The following CHD2 variants were observed in gnomAD, a reference collection of about 807,000 sequenced individuals.
The protein encoded by CHD2 is ATP-dependent chromatin remodeler CHD2.
In CHD2, 28 loss-of-function variants were observed where a neutral mutation model predicts 243.9. That is an observed-to-expected ratio of 0.11 (90% CI 0.09 to 0.16). The LOEUF (loss-of-function observed/expected upper bound fraction) is 0.16, where lower values mean the gene tolerates loss of function less well. CHD2 is among the 10% of genes least tolerant of loss of function. The pLI is 1.00. For missense variants in CHD2, 1,386 were observed against 2,209.8 expected, an observed-to-expected ratio of 0.63 and a Z score of 7.47; for synonymous variants, 775 against 779.0, an observed-to-expected ratio of 0.99 and a Z score of 0.09.
In CHD2 at chr15:92,927,334, A is replaced by C; in HGVS notation, c.381+4A>C. On this transcript the variant is annotated splice_donor_region_variant and intron_variant, in intron 4 of 38. Transcript: ENST00000394196. ...GCGATTTAATATTAAGGAAGAGGTA[A>C]GGAAAAAATGTTTTAAGGGCATGCA... The C allele has an allele frequency of 1.2e-6, 2 of 1,611,412 alleles. No individual in the cohort carries two copies. Among genetic ancestry groups the C allele is most frequent in the Non-Finnish European group, 1.7e-6 (2 of 1,177,632 alleles).
intron 38 of CHD2, 93 bp downstream of exon 38, chr15:93,020,351 C>T: frequency 6.8e-7 from 1 of 1,464,996 alleles, no homozygotes; most frequent in Non-Finnish European, 9.5e-7. Context: ...ATTTATCTAT[C>T]AAATTACTGA....
rs764247423 is a variant in CHD2 at position 93,020,120 on chromosome 15, A to G, written c.5015A>G (p.Asp1672Gly). The G allele has an allele frequency of 7.4e-6, 12 of 1,614,042 alleles. No homozygotes were observed. The highest frequency in any genetic ancestry group is 2.7e-5 in the African/African-American group (2 of 74,900). Residue 1672 changes from aspartate to glycine, a missense_variant, in exon 38 of 39, where the codon GAC becomes GGC. Coordinates refer to ENST00000394196, the MANE Select transcript of CHD2 (RefSeq NM_001271.4). ...CAGTATGAGCAGCACTGGTACAAGG[A>G]CCACCATTATGGGGACCGGCGACAT... ...HHQYEQHWYK[D>G]HHYGDRRHMD...
intron 2 of CHD2, among the ~76,000 whole-genome samples, chr15:92,912,206 A>G (rs540205479): frequency 6.6e-6 from 1 of 152,296 alleles, no homozygotes; most frequent in African/African-American, 2.4e-5. Flanking sequence ...CACTTGGAGA[A>G]TTTTAAAAGC....
chr15:92,965,952 T>G (rs144568394), intron 16 of CHD2, among the ~76,000 whole-genome samples: 1 of 152,332 alleles, frequency 6.6e-6, no homozygotes, highest in East Asian at 1.9e-4. Flanking sequence ...GAAAATAGCC[T>G]GATACAGTGA....
At chr15:92,936,494 A>AT (rs374515460) in intron 5 of CHD2, among the ~76,000 whole-genome samples, 82 of 152,224 alleles carry the variant, frequency 5.4e-4, no homozygotes, top group African/African-American at 1.9e-3. Flanking sequence ...ATCTTGTTGG[A>AT]TTTTCAAGTA....
intron 6 of CHD2, 152 bp downstream of exon 6, chr15:92,937,777 A>T (rs2272463): frequency 2.8e-5 from 16 of 575,298 alleles, no homozygotes; most frequent in Non-Finnish European, 4.8e-5. Flanking sequence ...CAGCCAGCCT[A>T]CATTGCAGGT....
Position 92,979,010 on chromosome 15 carries a change from G to A in CHD2, c.2728-125G>A, listed in dbSNP as rs1175723043. The A allele has an allele frequency of 2.4e-6, 3 of 1,245,716 alleles. No individual in the cohort carries two copies. The African/African-American group carries it at 4.5e-5, about 19-fold the overall frequency. The allele number at this position is 1,245,716 out of a possible 1,614,324, so 77.2% of individuals were successfully genotyped here. A position where few individuals can be genotyped will look rare whatever the true frequency, so the allele number is the denominator to read the frequency against. ...GCTTGGATGGCTTACAGTCTTCTATGGTTAGAGAATAAATTCTGTTAAAAT... is the reference window on the plus strand; with the variant it reads ...GCTTGGATGGCTTACAGTCTTCTATAGTTAGAGAATAAATTCTGTTAAAAT... On this transcript the variant is annotated intron_variant, in intron 21 of 38. Coordinates refer to ENST00000394196, the MANE Select transcript of CHD2 (RefSeq NM_001271.4).
intron 5 of CHD2, among the ~76,000 whole-genome samples, chr15:92,932,443 T>TCCCCCCCCCCCCCCCCCC (rs11309319): frequency 9.7e-6 from 1 of 103,296 alleles, no homozygotes; most frequent in Non-Finnish European, 1.9e-5. Context: ...CCCTTCCCCC[T>TCCCCCCCCCCCCCCCCCC]CCCCCCCACC....
chr15:93,017,303 GC>G (rs2141891530), intron 37 of CHD2, among the ~76,000 whole-genome samples: 1 of 147,544 alleles, frequency 6.8e-6, no homozygotes, highest in Admixed American at 7.0e-5. Flanking sequence ...TGCTTTAGCT[GC>G]TCTTTGATGC....
chr15:92,941,745 T>C (rs2053386334), intron 7 of CHD2, 77 bp from the exon 8 acceptor site: 1 of 1,424,354 alleles, frequency 7.0e-7, no homozygotes, highest in Non-Finnish European at 9.7e-7. Flanking sequence ...TGGTTTCTTA[T>C]TCTAGTGACG....
chr15:92,931,042 A>G (rs746889868), intron 5 of CHD2, among the ~76,000 whole-genome samples: 1 of 152,186 alleles, frequency 6.6e-6, no homozygotes, highest in Non-Finnish European at 1.5e-5. Context: ...GAGGTCTTGT[A>G]GCTGCTGACA....
At chr15:92,980,541 T>C (rs906396122) in intron 22 of CHD2, among the ~76,000 whole-genome samples, 6 of 152,178 alleles carry the variant, frequency 3.9e-5, no homozygotes, top group Non-Finnish European at 7.3e-5. Context: ...AGGAAAGAGC[T>C]CCATTCTATA....
intron 37 of CHD2, among the ~76,000 whole-genome samples, chr15:93,018,301 C>T (rs2054488049): frequency 6.6e-6 from 1 of 151,084 alleles, no homozygotes; most frequent in Non-Finnish European, 1.5e-5. Flanking sequence ...CCCAGGTCAG[C>T]CATGAATTTA....
chr15:92,942,870 C>A lies in CHD2; in HGVS notation c.854C>A (p.Ala285Glu), dbSNP rs544867753. The change falls in exon 9 of 39, where the codon GCG (alanine) becomes GAG (glutamate). Residue 285 changes from alanine to glutamate, a missense_variant. Around this residue, in one of 19 missense-constraint regions of CHD2, gnomAD observed 200 missense variants for 292.5 expected, o/e 0.68. Transcript: ENST00000394196. ...GATGASTTVY[A>E]IEANGDPSGD... Reference sequence around the variant, plus strand: ...ACTGGAGCATCTACTACTGTATATGCGATTGAAGCTAATGGCGACCCTAGT... The same window carrying A: ...ACTGGAGCATCTACTACTGTATATGAGATTGAAGCTAATGGCGACCCTAGT... 1 of 1,613,204 alleles carries A rather than the reference C, an allele frequency of 6.2e-7. No homozygotes were observed. Among genetic ancestry groups the A allele is most frequent in the Non-Finnish European group, 8.5e-7 (1 of 1,179,696 alleles).
intron 16 of CHD2, among the ~76,000 whole-genome samples, chr15:92,958,810 T>C (rs1469846076): frequency 6.6e-6 from 1 of 150,792 alleles, no homozygotes; most frequent in East Asian, 1.9e-4. Flanking sequence ...TTCAACTCTT[T>C]ATTATAAAGT....
intron 34 of CHD2, among the ~76,000 whole-genome samples, chr15:93,008,726 C>T (rs765682015): frequency 1.3e-5 from 2 of 152,072 alleles, no homozygotes; most frequent in South Asian, 2.1e-4. Flanking sequence ...TATCTGGAAG[C>T]CTTTCTCTTG....
chr15:93,016,759 G>A (rs1160328920), intron 37 of CHD2, among the ~76,000 whole-genome samples: 2 of 110,692 alleles, frequency 1.8e-5, no homozygotes, highest in East Asian at 7.1e-4. Flanking sequence ...TCCAGTCTGG[G>A]CAATAGAGTG....
At chr15:92,942,405 C>CTTT (rs202182060) in intron 8 of CHD2, among the ~76,000 whole-genome samples, 1 of 135,876 alleles carries the variant, frequency 7.4e-6, no homozygotes, top group Non-Finnish European at 1.6e-5. Flanking sequence ...TTTCTTTTGG[C>CTTT]TTTTTTTTTT....
chr15:92,986,251 A>G (rs993496740), intron 26 of CHD2, among the ~76,000 whole-genome samples: 1 of 152,204 alleles, frequency 6.6e-6, no homozygotes, highest in Non-Finnish European at 1.5e-5. Context: ...TCTATCCTCC[A>G]TAAAAAAATC....
Sources: gnomAD v4.1 joint callset for allele counts (sites outside exome capture counted in the v4.1 genomes callset) on GRCh38, gnomAD v4.1.1 for gene constraint, gnomAD v4.1.1 regional missense constraint, MANE v1.5 for transcripts, NCBI Gene and HGNC (gene_info 2026-07-23, HGNC 2026-07-21) for gene names.